The following PCDHGB3 variants were observed in gnomAD, a reference collection of about 807,000 sequenced individuals.
The protein encoded by PCDHGB3 is protocadherin gamma subfamily B, 3.
In PCDHGB3, 40 loss-of-function variants were observed where a neutral mutation model predicts 59.2. The observed-to-expected ratio is 0.68, with a 90% CI of 0.52 to 0.88. The LOEUF (loss-of-function observed/expected upper bound fraction) is 0.88. Among genes scored for constraint, PCDHGB3 ranks in the 40% least tolerant of loss-of-function variants. PCDHGB3 has a pLI of 0.00. For missense variants in PCDHGB3, 1,309 were observed against 1,187.9 expected, an observed-to-expected ratio of 1.10 and a Z score of -1.50; for synonymous variants, 581 against 503.6, an observed-to-expected ratio of 1.15 and a Z score of -2.06.
intron 1 of PCDHGB3, among the ~76,000 whole-genome samples, chr5:141,382,287 C>G (rs1263948846): frequency 7.2e-5 from 11 of 152,114 alleles, no homozygotes; most frequent in Non-Finnish European, 1.5e-4. Context: ...TCAATTAATA[C>G]TGAATTAATT....
chr5:141,459,827 A>T (rs779024675), intron 1 of PCDHGB3, among the ~76,000 whole-genome samples: 1 of 152,126 alleles, frequency 6.6e-6, no homozygotes, highest in Non-Finnish European at 1.5e-5. Context: ...GCAACTTTTC[A>T]TGTGTTGTCT....
chr5:141,489,112 A>C lies in PCDHGB3; in HGVS notation c.2416-5695A>C. 3 of 412,420 alleles carry C rather than the reference A, an allele frequency of 7.3e-6. No individual in the cohort carries two copies. Among genetic ancestry groups the C allele is most frequent in the South Asian group, 4.2e-5 (1 of 23,838 alleles). The allele number at this position is 412,420 out of a possible 1,614,324, so 25.5% of individuals were successfully genotyped here. ...TGACTAAGAACTGCTGCAAGCAGGC[A>C]AACCTCCGAGCAGTTTTTAAGAGGC... is the stretch of plus-strand genomic sequence containing the variant. On this transcript the variant is annotated intron_variant, in intron 1 of 3. Coordinates refer to ENST00000576222, the MANE Select transcript of PCDHGB3 (RefSeq NM_018924.5). The surrounding 1 kb of genome is among the most constrained non-coding windows in gnomAD (Gnocchi z 4.5).
At chr5:141,398,282 C>T in intron 1 of PCDHGB3, 2 of 1,401,814 alleles carry the variant, frequency 1.4e-6, no homozygotes, top group South Asian at 2.6e-5. Context: ...AACCTCGCCA[C>T]GGACCTGGGG....
chr5:141,400,780 T>C, intron 1 of PCDHGB3: 1 of 566,270 alleles, frequency 1.8e-6, no homozygotes, highest in Non-Finnish European at 3.1e-6. Context: ...TGGTGCGTTT[T>C]TTTGTCCTCT....
chr5:141,409,850 G>A lies in PCDHGB3; in HGVS notation c.2415+37041G>A. ...GCTCAGCGCCAACGTGAGCCTGCGC[G>A]TGTTGGTGGGAGACCGCAATGACAA... On this transcript the variant is annotated intron_variant, in intron 1 of 3. Transcript: ENST00000576222. 6.2e-7 allele frequency: 1 copy of A among 1,612,142 alleles called. No individual in the cohort carries two copies. Among genetic ancestry groups the A allele is most frequent in the African/African-American group, 1.3e-5 (1 of 75,014 alleles).
chr5:141,421,960 CA>C, intron 1 of PCDHGB3: 1 of 1,612,526 alleles, frequency 6.2e-7, no homozygotes, highest in Admixed American at 1.7e-5. Flanking sequence ...AATGTTTACA[CA>C]GTCCGTATAT....
At position 141,489,870 on chromosome 5, in the gene PCDHGB3, G is replaced by T; in HGVS notation, c.2416-4937G>T. On this transcript the variant is annotated intron_variant, in intron 1 of 3. Transcript: ENST00000576222. The surrounding 1 kb of genome is among the most constrained non-coding windows in gnomAD (Gnocchi z 4.5). ...GTGAAGCCCAGGCAAGACATCAGCT[G>T]GTGCTTACTGCTGTGGATGGGGGGA... 1.2e-6 allele frequency: 2 copies of T among 1,614,220 alleles called. No individual in the cohort carries two copies. The highest frequency in any genetic ancestry group is 1.7e-6 in the Non-Finnish European group (2 of 1,180,024).
chr5:141,378,734 A>C (rs1388674316), intron 1 of PCDHGB3: 1 of 152,216 alleles, frequency 6.6e-6, no homozygotes, highest in Non-Finnish European at 1.5e-5. Flanking sequence ...CTTTATTGAA[A>C]TATTTCAAGA....
At chr5:141,435,004 A>G (rs1481428383) in intron 1 of PCDHGB3, among the ~76,000 whole-genome samples, 1 of 152,096 alleles carries the variant, frequency 6.6e-6, no homozygotes, top group Non-Finnish European at 1.5e-5. Flanking sequence ...AGCTGAATTT[A>G]TCAATGATAA....
In PCDHGB3 at chr5:141,422,644, T is replaced by C. The variant is rs770618826; in HGVS notation, c.2415+49835T>C. 9 of 1,612,266 alleles carry C rather than the reference T, an allele frequency of 5.6e-6. No homozygotes were observed. The Admixed American group carries it at 1.5e-4, about 27-fold the overall frequency. ...AAACAACCCCAGGGGTGCCTCCATC[T>C]TCTCAGTGACCGCCCTCGACCCGGA... On this transcript the variant is annotated intron_variant, in intron 1 of 3. Coordinates refer to ENST00000576222, the MANE Select transcript of PCDHGB3 (RefSeq NM_018924.5).
At chr5:141,501,334 C>CA (rs2099808390) in intron 2 of PCDHGB3, among the ~76,000 whole-genome samples, 1 of 145,376 alleles carries the variant, frequency 6.9e-6, no homozygotes, top group Non-Finnish European at 1.5e-5. Flanking sequence ...CACACACACA[C>CA]CCCAAACTCA....
At chr5:141,403,172 C>T in intron 1 of PCDHGB3, 1 of 1,614,018 alleles carries the variant, frequency 6.2e-7, no homozygotes, top group Non-Finnish European at 8.5e-7. Context: ...TAGGACGCAG[C>T]TTTTCTCTCT....
At chr5:141,457,573 C>T (rs934685938) in intron 1 of PCDHGB3, among the ~76,000 whole-genome samples, 3 of 152,206 alleles carry the variant, frequency 2.0e-5, no homozygotes, top group Non-Finnish European at 4.4e-5. Flanking sequence ...CAAAATTTTT[C>T]TCTCCAGTCC....
rs1226558966 is a variant in PCDHGB3, at chr5:141,432,589, G to C, written c.2415+59780G>C. The C allele has an allele frequency of 6.2e-7, 1 of 1,613,916 alleles. No homozygotes were observed. The highest frequency in any genetic ancestry group is 8.5e-7 in the Non-Finnish European group (1 of 1,179,974). The stretch of plus-strand genomic sequence containing the variant: ...CCTGGCTGTCCTACCGTCTGCTCAA[G>C]GCCAGCGAGCCGGGACTCTTCTCGG... On this transcript the variant is annotated intron_variant, in intron 1 of 3. Coordinates refer to ENST00000576222, the MANE Select transcript of PCDHGB3 (RefSeq NM_018924.5). The surrounding 1 kb of genome is among the most constrained non-coding windows in gnomAD (Gnocchi z 6.0).
intron 1 of PCDHGB3, among the ~76,000 whole-genome samples, chr5:141,464,300 A>G (rs1349155102): frequency 2.0e-5 from 3 of 149,898 alleles, no homozygotes; most frequent in East Asian, 1.9e-4. Context: ...ACTCCATTGT[A>G]TGTGCACATA....
chr5:141,509,056 G>C (rs1303823294), intron 3 of PCDHGB3, among the ~76,000 whole-genome samples: 1 of 152,178 alleles, frequency 6.6e-6, no homozygotes, highest in Non-Finnish European at 1.5e-5. Flanking sequence ...CCCCCAGAAA[G>C]CTCTCAGCTC....
At position 141,494,758 on chromosome 5, in the gene PCDHGB3, T is replaced by C. The variant is rs370692038; in HGVS notation, c.2416-49T>C. ...CCATCCCTAGGGGCTCGGGTGACAT[T>C]CTAACTTCTCACGGGTACTCAGCCC... On this transcript the variant is annotated intron_variant, in intron 1 of 3. Transcript: ENST00000576222. The C allele has an allele frequency of 1.3e-5, 21 of 1,613,682 alleles. No homozygotes were observed. The African/African-American group carries it at 2.7e-4, about 21-fold the overall frequency.
At chr5:141,440,399 A>T (rs1215824479) in intron 1 of PCDHGB3, 1 of 152,164 alleles carries the variant, frequency 6.6e-6, no homozygotes, top group Non-Finnish European at 1.5e-5. Context: ...CCGAGAGGCA[A>T]TCGCACCACT....
intron 1 of PCDHGB3, chr5:141,478,292 CTATA>C (rs1257685524): frequency 6.2e-7 from 1 of 1,614,146 alleles, no homozygotes; most frequent in Admixed American, 1.7e-5. Flanking sequence ...GTCTAGAGAC[CTATA>C]CCGAGCCCCG....
Sources: gnomAD v4.1 joint callset for allele counts (sites outside exome capture counted in the v4.1 genomes callset) on GRCh38, gnomAD v4.1.1 for gene constraint, Gnocchi (gnomAD v3.1) non-coding constraint, MANE v1.5 for transcripts, NCBI Gene and HGNC (gene_info 2026-07-23, HGNC 2026-07-21) for gene names.